GPC6: variants seen among roughly 807,000 people sequenced by gnomAD.
The protein encoded by GPC6 is glypican-6.
A neutral mutation model predicts 55.2 loss-of-function variants in GPC6; 14 were observed. The ratio of observed to expected loss-of-function variants is 0.25; its 90% CI spans 0.17 to 0.40. The LOEUF is 0.40. Among genes scored for constraint, GPC6 ranks in the 10% least tolerant of loss-of-function variants. GPC6 has a pLI of 1.00. For synonymous variants in GPC6, 278 were observed against 259.6 expected, an observed-to-expected ratio of 1.07 and a Z score of -0.68; for missense variants, 641 against 708.5, an observed-to-expected ratio of 0.90 and a Z score of 1.08.
intron 2 of GPC6, among the ~76,000 whole-genome samples, chr13:93,575,111 C>G (rs1169799696): frequency 6.6e-6 from 1 of 151,890 alleles, no homozygotes; most frequent in African/African-American, 2.4e-5. Flanking sequence ...TTGGGCAACA[C>G]GGCGAAACCC....
intron 2 of GPC6, among the ~76,000 whole-genome samples, chr13:93,790,630 A>G (rs868711702): frequency 2.6e-5 from 4 of 152,236 alleles, no homozygotes; most frequent in African/African-American, 9.6e-5. Context: ...TGTTAAATAA[A>G]ATTTACCATA....
At chr13:93,341,240 A>G (rs1366825799) in intron 1 of GPC6, among the ~76,000 whole-genome samples, 2 of 152,122 alleles carry the variant, frequency 1.3e-5, no homozygotes, top group Non-Finnish European at 2.9e-5. Context: ...TTTTCATATA[A>G]TGACTTCTTT....
intron 1 of GPC6, among the ~76,000 whole-genome samples, chr13:93,242,722 C>G (rs558443493): frequency 6.6e-6 from 1 of 152,158 alleles, no homozygotes; most frequent in Non-Finnish European, 1.5e-5. Flanking sequence ...AGCAAGTTCA[C>G]GGACACAGAA....
chr13:93,673,054 C>G (rs1033386734), intron 2 of GPC6, among the ~76,000 whole-genome samples: 2 of 151,982 alleles, frequency 1.3e-5, no homozygotes, highest in African/African-American at 4.8e-5. Flanking sequence ...AAAAGGTTTA[C>G]TGAAAATAAA....
chr13:94,008,071 G>A (rs751423895), intron 3 of GPC6, among the ~76,000 whole-genome samples: 10 of 151,932 alleles, frequency 6.6e-5, no homozygotes, highest in Admixed American at 1.3e-4. Context: ...CAGCATTCAA[G>A]TTCTTGCTTC....
At chr13:93,626,539 C>T (rs1455171577) in intron 2 of GPC6, among the ~76,000 whole-genome samples, 2 of 152,194 alleles carry the variant, frequency 1.3e-5, no homozygotes, top group Admixed American at 1.3e-4. Flanking sequence ...CAGTGGCTCA[C>T]ACCTGTAATC....
intron 3 of GPC6, among the ~76,000 whole-genome samples, chr13:93,958,117 C>T (rs567771750): frequency 6.6e-6 from 1 of 152,126 alleles, no homozygotes; most frequent in Admixed American, 6.5e-5. Flanking sequence ...GATGTTAGAC[C>T]TTTGTCTGAT....
At chr13:93,720,708 T>C (rs996700363) in intron 2 of GPC6, among the ~76,000 whole-genome samples, 4 of 152,106 alleles carry the variant, frequency 2.6e-5, no homozygotes, top group African/African-American at 7.2e-5. Flanking sequence ...CATTTAGTGC[T>C]ATAAATATCC....
chr13:93,592,029 G>T (rs985898612), intron 2 of GPC6, among the ~76,000 whole-genome samples: 29 of 152,062 alleles, frequency 1.9e-4, no homozygotes, highest in African/African-American at 6.8e-4. Flanking sequence ...ATTTTTAAAG[G>T]ATTTTACATA....
At chr13:94,096,400 A>G (rs1885659341) in intron 4 of GPC6, among the ~76,000 whole-genome samples, 1 of 152,012 alleles carries the variant, frequency 6.6e-6, no homozygotes, top group African/African-American at 2.4e-5. Context: ...TCATACACAT[A>G]CCTTTTAATG....
Position 93,500,342 on chromosome 13 carries a change from G to A in GPC6, c.161-44921G>A, listed in dbSNP as rs543270005. On this transcript the variant is annotated intron_variant, in intron 1 of 8. Transcript: ENST00000377047. ...GAAAAGAGAGTGTAGAGACCTGGAT[G>A]ATGTCAAGGTTGTGGCTAGTGAATA... 4.9e-4 allele frequency among the ~76,000 whole-genome samples: 74 copies of A among 152,234 alleles called. No individual in the cohort carries two copies. The South Asian group carries it at 9.3e-3, about 19-fold the overall frequency.
At chr13:93,966,817 A>C (rs1880067970) in intron 3 of GPC6, among the ~76,000 whole-genome samples, 1 of 151,868 alleles carries the variant, frequency 6.6e-6, no homozygotes, top group Admixed American at 6.6e-5. Flanking sequence ...CACCTGGCTA[A>C]TTTTTTAAAA....
intron 3 of GPC6, among the ~76,000 whole-genome samples, chr13:93,877,268 C>A (rs1411476100): frequency 2.0e-5 from 3 of 151,930 alleles, no homozygotes; most frequent in African/African-American, 7.2e-5. Flanking sequence ...ACCCTTATAA[C>A]ATGATCTGAT....
chr13:94,298,233 TATA>T (rs2139101545), intron 5 of GPC6, among the ~76,000 whole-genome samples: 1 of 152,326 alleles, frequency 6.6e-6, no homozygotes, highest in Non-Finnish European at 1.5e-5. Context: ...TATGTAATAG[TATA>T]ATGTAGCTCC....
At chr13:94,072,154 AG>A (rs1884755506) in intron 4 of GPC6, among the ~76,000 whole-genome samples, 1 of 152,210 alleles carries the variant, frequency 6.6e-6, no homozygotes, top group Admixed American at 6.5e-5. Flanking sequence ...TTTTTTAAAA[AG>A]TTACCATCTA....
intron 2 of GPC6, among the ~76,000 whole-genome samples, chr13:93,705,536 A>T (rs1000630432): frequency 1.3e-5 from 2 of 151,926 alleles, no homozygotes; most frequent in African/African-American, 4.8e-5. Flanking sequence ...CTAGTTCTCA[A>T]ATCTTGGGAA....
intron 4 of GPC6, among the ~76,000 whole-genome samples, chr13:94,085,779 T>TTC (rs1300992997): frequency 0.24 from 36,241 of 151,932 alleles, 4,395 homozygotes; most frequent in South Asian, 0.27. Context: ...CTTTAACGTA[T>TTC]GTCTGAAAAT....
chr13:93,389,628 A>T (rs1875541891), intron 1 of GPC6, among the ~76,000 whole-genome samples: 1 of 152,134 alleles, frequency 6.6e-6, no homozygotes, highest in African/African-American at 2.4e-5. Flanking sequence ...CACAGAATGT[A>T]TGTATATACT....
intron 2 of GPC6, among the ~76,000 whole-genome samples, chr13:93,815,358 A>G (rs1886814979): frequency 6.6e-6 from 1 of 152,162 alleles, no homozygotes; most frequent in Non-Finnish European, 1.5e-5. Flanking sequence ...TCAAAAATTG[A>G]AATATAAACA....
Sources: allele counts gnomAD v4.1 joint callset (sites outside exome capture counted in the v4.1 genomes callset), GRCh38; gene constraint gnomAD v4.1.1; transcripts MANE v1.5; gene names NCBI Gene and HGNC (gene_info 2026-07-23, HGNC 2026-07-21).